SLC7A13: variants seen among roughly 807,000 people sequenced by gnomAD.
SLC7A13 encodes the protein X-amino acid transporter 2.
SLC7A13 carries 31 observed loss-of-function variants against 32.0 expected under a neutral mutation model. The observed-to-expected ratio is 0.97, with a 90% CI of 0.73 to 1.31. The LOEUF is 1.31. Among genes scored for constraint, SLC7A13 ranks in the 50% most tolerant of loss-of-function variants. The pLI, the probability that SLC7A13 is intolerant of heterozygous loss-of-function variation, is 0.00. For missense variants in SLC7A13, 633 were observed against 546.9 expected, an observed-to-expected ratio of 1.16 and a Z score of -1.57; for synonymous variants, 232 against 206.9, an observed-to-expected ratio of 1.12 and a Z score of -1.04.
Position 86,222,986 on chromosome 8 carries a change from T to C in SLC7A13, c.803A>G (p.Glu268Gly), listed in dbSNP as rs149413280. 1.6e-5 allele frequency: 25 copies of C among 1,603,634 alleles called. No individual in the cohort carries two copies. The African/African-American group carries it at 3.2e-4, about 21-fold the overall frequency. The change falls in exon 2 of 4, where the codon GAA becomes GGA. Residue 268 changes from glutamate (E) to glycine (G), a missense_variant. Physicochemically the swap from Glu to Gly is moderately conservative, Grantham distance 98. Transcript: ENST00000297524. ...TGCATACAAACCTGAAGAGAGAATT[T>C]CCCTGGGTGTCAGAACAGTCAGATA... The part of the protein sequence containing the change: ...ISYLTVLTPR[E>G]ILSSDAVAIT...
At chr8:86,218,163 C>T (rs1197055485) in intron 2 of SLC7A13, among the ~76,000 whole-genome samples, 6 of 152,082 alleles carry the variant, frequency 3.9e-5, no homozygotes, top group Non-Finnish European at 7.4e-5. Flanking sequence ...TTTCAATAAA[C>T]ACTTGTGAAA....
Position 86,214,347 on chromosome 8 carries a change from C to T in SLC7A13, c.*66G>A. 2.2e-6 allele frequency: 2 copies of T among 897,326 alleles called. No homozygotes were observed. The highest frequency in any genetic ancestry group is 1.7e-6 in the Non-Finnish European group (1 of 588,848). 55.6% of individuals were successfully genotyped at this position (897,326 alleles called of 1,614,324 possible). ...ATGAATGTTCTATCATATGTTTAAC[C>T]TTGATTTGGAATCTGATATATGTTT... On this transcript the variant is annotated 3_prime_UTR_variant, in exon 4 of 4. Transcript: ENST00000297524.
At chr8:86,225,943 G>A (rs1445520627) in intron 1 of SLC7A13, among the ~76,000 whole-genome samples, 1 of 151,944 alleles carries the variant, frequency 6.6e-6, no homozygotes, top group Non-Finnish European at 1.5e-5. Flanking sequence ...TAAAAAGATG[G>A]GTATTCCTAC....
At chr8:86,219,155 G>A (rs917485629) in intron 2 of SLC7A13, among the ~76,000 whole-genome samples, 3 of 151,984 alleles carry the variant, frequency 2.0e-5, no homozygotes, top group African/African-American at 7.3e-5. Context: ...GTTCTTCTCA[G>A]GAAGATATTG....
Position 86,230,099 on chromosome 8 carries a change from G to A in SLC7A13, c.179C>T (p.Ala60Val). ...TGCAGAGCAAAGAGTTGATGTCATGGCCAGTATGGCACAGCCAGCCCAAAC... is the reference window on the plus strand; with the variant it reads ...TGCAGAGCAAAGAGTTGATGTCATGACCAGTATGGCACAGCCAGCCCAAAC... Reference protein sequence around the residue: ...LCVWAGCAILAMTSTLCSAEI... With the variant: ...LCVWAGCAILVMTSTLCSAEI... The change falls in exon 1 of 4, where the codon GCC becomes GTC. Residue 60 changes from alanine (A) to valine (V), a missense_variant. By Grantham distance (64) the Ala-to-Val change is moderately conservative (BLOSUM62 0). Transcript: ENST00000297524. The A allele has an allele frequency of 6.2e-7, 1 of 1,614,118 alleles. No individual in the cohort carries two copies. The highest frequency in any genetic ancestry group is 2.2e-5 in the East Asian group (1 of 44,878).
chr8:86,229,933 A>G lies in SLC7A13; in HGVS notation c.345T>C (p.Leu115=), dbSNP rs74881921. ...SGVVAGQALL[L]AEYSIQPFFP... is the part of the protein sequence containing the mutation. Reference sequence around the variant, plus strand: ...AAAAAGGCTGGATGCTGTACTCAGCAAGGAGCAGAGCTTGGCCAGCAACTA... The same window carrying G: ...AAAAAGGCTGGATGCTGTACTCAGCGAGGAGCAGAGCTTGGCCAGCAACTA... The change falls in exon 1 of 4, where the codon CTT becomes CTC. Residue 115 remains leucine, a synonymous_variant. Transcript: ENST00000297524. The G allele has an allele frequency of 2.6e-4, 424 of 1,614,204 alleles. 5 individuals carry two copies. In the African/African-American group the frequency reaches 4.4e-3, roughly 17 times the overall value.
chr8:86,226,733 C>A (rs1820394033), intron 1 of SLC7A13, among the ~76,000 whole-genome samples: 1 of 152,122 alleles, frequency 6.6e-6, no homozygotes, highest in Admixed American at 6.6e-5. Flanking sequence ...GTATCTAATA[C>A]CAAGACTCTC....
chr8:86,225,882 G>A (rs1181431308), intron 1 of SLC7A13, among the ~76,000 whole-genome samples: 2 of 152,124 alleles, frequency 1.3e-5, no homozygotes, highest in African/African-American at 4.8e-5. Context: ...AGTGAACTAT[G>A]ATTGCACAGC....
rs750268177 is a variant in SLC7A13, at chr8:86,217,751, A to G, written c.898T>C (p.Phe300Leu). The G allele has an allele frequency of 5.0e-6, 8 of 1,613,192 alleles. No homozygotes were observed. The East Asian group carries it at 1.8e-4, about 36-fold the overall frequency. The change falls in exon 3 of 4, where the codon TTT becomes CTT. Residue 300 changes from phenylalanine (F) to leucine (L), a missense_variant. Phe to Leu is a conservative substitution (Grantham distance 22). Coordinates refer to ENST00000297524, the MANE Select transcript of SLC7A13 (RefSeq NM_138817.3). ...AATATAGAAATCAGAAGGTTGCTAA[A>G]TAATGAGGTAGAAATAGCAAAAGGC... ...IMPFAISTSL[F>L]SNLLISIFKS...
rs986993018 is a variant in SLC7A13 at position 86,214,176 on chromosome 8, G to A, written c.*237C>T. 30 of 343,652 alleles carry A rather than the reference G, an allele frequency of 8.7e-5. No individual in the cohort carries two copies. The highest frequency in any genetic ancestry group is 1.5e-4 in the Non-Finnish European group (29 of 190,012). 21.3% of individuals were successfully genotyped at this position (343,652 alleles called of 1,614,324 possible). ...TTGTATAATCACTCTATCAAGCTAC[G>A]CAAACCAGGACTTAAGTTTTTTACC... On this transcript the variant is annotated 3_prime_UTR_variant, in exon 4 of 4. Transcript: ENST00000297524.
chr8:86,223,959 T>A lies in SLC7A13; in HGVS notation c.686-856A>T, dbSNP rs183278267. Among the ~76,000 whole-genome samples, 3 of 152,322 alleles carry A rather than the reference T, an allele frequency of 2.0e-5. No individual in the cohort carries two copies. The East Asian group carries it at 5.8e-4, about 29-fold the overall frequency. ...AAATGAAATCGGAGCCCATAAGTCC[T>A]GTACCATTTGAAGCCCACTTATGTG... On this transcript the variant is annotated intron_variant, in intron 1 of 3. Transcript: ENST00000297524.
Position 86,222,994 on chromosome 8 carries a change from T to C in SLC7A13, c.795A>G (p.Thr265=). The change falls in exon 2 of 4, where the codon ACA becomes ACG. Residue 265 remains threonine (T), a synonymous_variant. Coordinates refer to ENST00000297524, the MANE Select transcript of SLC7A13 (RefSeq NM_138817.3). Reference sequence around the variant, plus strand: ...AACCTGAAGAGAGAATTTCCCTGGGTGTCAGAACAGTCAGATAGGAAATGT... The same window carrying C: ...AACCTGAAGAGAGAATTTCCCTGGGCGTCAGAACAGTCAGATAGGAAATGT... ...LVNISYLTVL[T]PREILSSDAV... 1.2e-6 allele frequency: 2 copies of C among 1,607,334 alleles called. No individual in the cohort carries two copies. Among genetic ancestry groups the C allele is most frequent in the African/African-American group, 2.7e-5 (2 of 74,584 alleles).
At position 86,217,464 on chromosome 8, in the gene SLC7A13, T is replaced by C; in HGVS notation, c.1179+6A>G. On this transcript the variant is annotated splice_donor_region_variant and intron_variant, in intron 3 of 3. Transcript: ENST00000297524. Reference sequence around the variant, plus strand: ...ACACAGAAAAGAATTAGAAATCCAATTTTACCTTATAAGGTATAGATAGAT... The same window carrying C: ...ACACAGAAAAGAATTAGAAATCCAACTTTACCTTATAAGGTATAGATAGAT... 6.5e-7 allele frequency: 1 copy of C among 1,528,682 alleles called. No individual in the cohort carries two copies. Among genetic ancestry groups the C allele is most frequent in the Non-Finnish European group, 8.7e-7 (1 of 1,144,444 alleles). The allele number at this position is 1,528,682 out of a possible 1,614,324, so 94.7% of individuals were successfully genotyped here. A position where few individuals can be genotyped will look rare whatever the true frequency, so the allele number is the denominator to read the frequency against.
intron 2 of SLC7A13, among the ~76,000 whole-genome samples, chr8:86,219,163 T>C (rs1171922372): frequency 6.6e-6 from 1 of 152,290 alleles, no homozygotes; most frequent in African/African-American, 2.4e-5. Context: ...CAGGAAGATA[T>C]TGTTGGTTGT....
chr8:86,227,903 A>G (rs1253477797), intron 1 of SLC7A13, among the ~76,000 whole-genome samples: 2 of 152,212 alleles, frequency 1.3e-5, no homozygotes, highest in African/African-American at 4.8e-5. Flanking sequence ...ACATGGATAT[A>G]CAGAGGAAAT....
intron 3 of SLC7A13, among the ~76,000 whole-genome samples, chr8:86,216,460 A>G (rs1306468244): frequency 6.6e-6 from 1 of 152,166 alleles, no homozygotes; most frequent in East Asian, 1.9e-4. Context: ...TTCTTTTTCT[A>G]CTGAAAGTAC....
In SLC7A13 at chr8:86,217,491, G is replaced by T. The variant is rs755878726; in HGVS notation, c.1158C>A (p.Pro386=). 4.4e-6 allele frequency: 7 copies of T among 1,585,500 alleles called. No homozygotes were observed. In the African/African-American group the frequency reaches 8.2e-5, roughly 19 times the overall value. ...IGILRRRYQE[P]NLSIPYKVFL... is the part of the protein sequence containing the mutation. Reference sequence around the variant, plus strand: ...TTACCTTATAAGGTATAGATAGATTGGGTTCCTGGTATCTCCGCCTTAGTA... The same window carrying T: ...TTACCTTATAAGGTATAGATAGATTTGGTTCCTGGTATCTCCGCCTTAGTA... The change falls in exon 3 of 4, where the codon CCC becomes CCA. Residue 386 remains proline (P), a synonymous_variant. Coordinates refer to ENST00000297524, the MANE Select transcript of SLC7A13 (RefSeq NM_138817.3).
intron 3 of SLC7A13, among the ~76,000 whole-genome samples, chr8:86,216,196 A>T (rs942188980): frequency 6.6e-6 from 1 of 152,210 alleles, no homozygotes. Context: ...ATCTAACAAA[A>T]TGTGGATCAG....
At chr8:86,223,219 T>C in intron 1 of SLC7A13, 116 bp from the exon 2 acceptor site, 1 of 1,020,484 alleles carries the variant, frequency 9.8e-7, no homozygotes, top group Non-Finnish European at 1.4e-6. Context: ...CATGATTTTA[T>C]TATGTGGATA....
Sources: gnomAD v4.1 joint callset for allele counts (sites outside exome capture counted in the v4.1 genomes callset) on GRCh38, gnomAD v4.1.1 for gene constraint, MANE v1.5 for transcripts, NCBI Gene and HGNC (gene_info 2026-07-23, HGNC 2026-07-21) for gene names.